The following CPED1 variants were observed in gnomAD, a reference collection of about 807,000 sequenced individuals.
CPED1 encodes cadherin like and PC-esterase domain containing 1, also known as cadherin-like and PC-esterase domain-containing protein 1.
A neutral mutation model predicts 128.2 loss-of-function variants in CPED1; 114 were observed. That is an observed-to-expected ratio of 0.89 (90% CI 0.76 to 1.04). The LOEUF is 1.04. Among genes scored for constraint, CPED1 ranks in the 50% least tolerant of loss-of-function variants. The pLI is 0.00. For synonymous variants in CPED1, 462 were observed against 426.7 expected, an observed-to-expected ratio of 1.08 and a Z score of -1.02; for missense variants, 1,211 against 1,207.1, an observed-to-expected ratio of 1.00 and a Z score of -0.05.
chr7:120,990,602 G>A (rs1269149852), intron 2 of CPED1, among the ~76,000 whole-genome samples: 2 of 151,750 alleles, frequency 1.3e-5, no homozygotes, highest in Non-Finnish European at 1.5e-5. Context: ...GTAATATAAT[G>A]ACCTGTAACA....
At chr7:121,152,628 T>G (rs945575845) in intron 16 of CPED1, among the ~76,000 whole-genome samples, 1 of 151,936 alleles carries the variant, frequency 6.6e-6, no homozygotes, top group African/African-American at 2.4e-5. Context: ...CCTAGGCACA[T>G]AAAGAGTCCA....
chr7:121,237,586 T>C (rs575730841), intron 17 of CPED1, among the ~76,000 whole-genome samples: 1 of 152,248 alleles, frequency 6.6e-6, no homozygotes, highest in East Asian at 1.9e-4. Flanking sequence ...AGTGGAGATG[T>C]TGGGGTCAAG....
chr7:121,135,523 C>T (rs1795765563), intron 13 of CPED1, among the ~76,000 whole-genome samples: 1 of 152,206 alleles, frequency 6.6e-6, no homozygotes, highest in African/African-American at 2.4e-5. Flanking sequence ...TCAGTAGGTG[C>T]AGTGAAGAGC....
At chr7:121,170,067 C>T (rs1481924748) in intron 16 of CPED1, among the ~76,000 whole-genome samples, 2 of 152,142 alleles carry the variant, frequency 1.3e-5, no homozygotes, top group Non-Finnish European at 2.9e-5. Flanking sequence ...ATTTTTCTTC[C>T]TTGTCTTGCC....
chr7:121,248,981 T>A lies in CPED1; in HGVS notation c.2310+4643T>A, dbSNP rs199865797. Among the ~76,000 whole-genome samples, 5 of 152,108 alleles carry A rather than the reference T, an allele frequency of 3.3e-5. No homozygotes were observed. In the East Asian group the frequency reaches 5.8e-4, roughly 18 times the overall value. ...ATGAAATAGCCATTTTGAGAAAGAT[T>A]CAAATTTAACTTCTAGACTTGAAAA... On this transcript the variant is annotated intron_variant, in intron 18 of 22. Transcript: ENST00000310396.
intron 16 of CPED1, among the ~76,000 whole-genome samples, chr7:121,225,380 A>T (rs1187712495): frequency 6.6e-6 from 1 of 152,252 alleles, no homozygotes; most frequent in East Asian, 1.9e-4. Flanking sequence ...TTTGTGGGTA[A>T]CCTGACCTTT....
intron 16 of CPED1, chr7:121,195,183 A>G (rs1797244031): frequency 6.6e-6 from 1 of 152,162 alleles, no homozygotes; most frequent in African/African-American, 2.4e-5. Flanking sequence ...AGAAACATGT[A>G]AGACCCCAGA....
intron 16 of CPED1, among the ~76,000 whole-genome samples, chr7:121,211,251 C>T (rs1028620958): frequency 6.6e-5 from 10 of 151,974 alleles, no homozygotes; most frequent in Non-Finnish European, 1.0e-4. Flanking sequence ...AATTAGTAGC[C>T]TCAGCTGTTA....
chr7:121,043,050 A>G (rs1286500269), intron 3 of CPED1, among the ~76,000 whole-genome samples: 1 of 152,222 alleles, frequency 6.6e-6, no homozygotes, highest in Non-Finnish European at 1.5e-5. Flanking sequence ...GCACATCGAG[A>G]AAGACATAAA....
intron 16 of CPED1, among the ~76,000 whole-genome samples, chr7:121,204,769 C>T (rs1331424123): frequency 2.0e-5 from 3 of 152,124 alleles, no homozygotes; most frequent in African/African-American, 4.8e-5. Context: ...GCCAATTCTG[C>T]CCCAGGCTAG....
intron 16 of CPED1, among the ~76,000 whole-genome samples, chr7:121,187,291 C>T (rs1797024777): frequency 1.3e-5 from 2 of 152,124 alleles, no homozygotes; most frequent in Non-Finnish European, 2.9e-5. Flanking sequence ...TGTATTTCAA[C>T]CAAGAGGAAG....
At chr7:121,157,262 T>C (rs746197156) in intron 16 of CPED1, among the ~76,000 whole-genome samples, 4 of 152,146 alleles carry the variant, frequency 2.6e-5, no homozygotes, top group Non-Finnish European at 4.4e-5. Context: ...TAGAAGTAAA[T>C]TTACATATGA....
At chr7:121,087,952 G>C (rs1794475293) in intron 5 of CPED1, among the ~76,000 whole-genome samples, 1 of 152,032 alleles carries the variant, frequency 6.6e-6, no homozygotes, top group Non-Finnish European at 1.5e-5. Flanking sequence ...GAACCACCAT[G>C]CCTGGCCCAA....
At chr7:121,075,187 G>T (rs1007572823) in intron 5 of CPED1, among the ~76,000 whole-genome samples, 1 of 152,098 alleles carries the variant, frequency 6.6e-6, no homozygotes, top group African/African-American at 2.4e-5. Flanking sequence ...ACAACAGGAG[G>T]TTTTATTTTA....
At chr7:120,993,923 G>T in intron 2 of CPED1, 1 of 303,838 alleles carries the variant, frequency 3.3e-6, no homozygotes, top group Admixed American at 3.8e-5. Flanking sequence ...GGCTTCTCAG[G>T]GCAGCCACTA....
intron 16 of CPED1, among the ~76,000 whole-genome samples, chr7:121,206,900 G>A (rs549921994): frequency 6.6e-6 from 1 of 152,034 alleles, no homozygotes; most frequent in South Asian, 2.1e-4. Context: ...GCATATAAAA[G>A]TTGAGGGCAT....
rs964866065 is a variant in CPED1, at chr7:121,021,733, A to T, written c.433+5885A>T. Among the ~76,000 whole-genome samples the T allele has an allele frequency of 1.2e-4, 18 of 152,094 alleles. No homozygotes were observed. In the East Asian group the frequency reaches 3.5e-3, roughly 29 times the overall value. ...ATCCTCTGAAAGTCTTGGTATTCTC[A>T]TCTACAAGTTGATCCTTTTGAGGTT... On this transcript the variant is annotated intron_variant, in intron 3 of 22. Transcript: ENST00000310396.
At position 121,002,888 on chromosome 7, in the gene CPED1, G is replaced by A. The variant is rs140865004; in HGVS notation, c.250-12777G>A. Among the ~76,000 whole-genome samples the A allele has an allele frequency of 3.3e-3, 500 of 152,234 alleles. 2 individuals carry two copies. Among genetic ancestry groups the A allele is most frequent in the African/African-American group, 0.011 (473 of 41,558 alleles). Reference sequence around the variant, plus strand: ...TGTCTCATTATCCAATAATGTGTACGTAATCCTAAGCACATTTCCAAAGTA... The same window carrying A: ...TGTCTCATTATCCAATAATGTGTACATAATCCTAAGCACATTTCCAAAGTA... On this transcript the variant is annotated intron_variant, in intron 2 of 22. Coordinates refer to ENST00000310396, the MANE Select transcript of CPED1 (RefSeq NM_024913.5).
intron 16 of CPED1, among the ~76,000 whole-genome samples, chr7:121,185,255 T>C (rs990621555): frequency 6.6e-6 from 1 of 152,274 alleles, no homozygotes; most frequent in East Asian, 1.9e-4. Context: ...ACTGAAATTA[T>C]AGCAAATGCT....
Sources: allele counts gnomAD v4.1 joint callset (sites outside exome capture counted in the v4.1 genomes callset), GRCh38; gene constraint gnomAD v4.1.1; transcripts MANE v1.5; gene names NCBI Gene and HGNC (gene_info 2026-07-23, HGNC 2026-07-21).